ARHGAP32: variants seen among roughly 807,000 people sequenced by gnomAD.
The protein encoded by ARHGAP32 is Rho GTPase activating protein 32.
ARHGAP32 carries 51 observed loss-of-function variants against 186.5 expected under a neutral mutation model. The observed-to-expected ratio is 0.27, with a 90% confidence interval of 0.22 to 0.35. The LOEUF is 0.35. Among genes scored for constraint, ARHGAP32 ranks in the 10% least tolerant of loss-of-function variants. The probability of loss-of-function intolerance (pLI) is 1.00; values close to 1 mark genes in which losing one functional copy is unlikely to be tolerated. For synonymous variants in ARHGAP32, 950 were observed against 964.3 expected (o/e 0.99, Z 0.27); for missense variants, 2,186 against 2,623.5 (o/e 0.83, Z 3.64).
At position 129,023,161 on chromosome 11, in the gene ARHGAP32, G is replaced by A. The variant is rs531788009; in HGVS notation, c.1045+17767C>T. ...ATTCAGAGAAAATTCTGGTCTCCAT[G>A]TTATTTTAATGAAAGGCATTTATTA... On this transcript the variant is annotated intron_variant, in intron 11 of 22. Transcript: ENST00000682385. Among the ~76,000 whole-genome samples the A allele has an allele frequency of 3.3e-5, 5 of 152,232 alleles. No homozygotes were observed. In the East Asian group the frequency reaches 7.7e-4, roughly 24 times the overall value.
intron 11 of ARHGAP32, among the ~76,000 whole-genome samples, chr11:129,002,933 C>G (rs1038828123): frequency 2.0e-5 from 3 of 150,288 alleles, no homozygotes; most frequent in African/African-American, 7.3e-5. Context: ...CTCAGCCTCC[C>G]GAGTAGCTGG....
upstream of ARHGAP32, among the ~76,000 whole-genome samples, chr11:129,193,723 ATT>A (rs1237878705): frequency 1.4e-4 from 12 of 86,444 alleles, no homozygotes; most frequent in East Asian, 6.1e-4. Context: ...TATATTATAT[ATT>A]ATATATAATA....
Position 128,973,333 on chromosome 11 carries a change from G to A in ARHGAP32, c.3173C>T (p.Ala1058Val), listed in dbSNP as rs749143928. The A allele has an allele frequency of 7.4e-6, 12 of 1,614,082 alleles. No individual in the cohort carries two copies. Among genetic ancestry groups the A allele is most frequent in the Non-Finnish European group, 9.3e-6 (11 of 1,180,038 alleles). Residue 1058 changes from alanine to valine, a missense_variant, in exon 22 of 23, where the codon GCG becomes GTG. Ala to Val is a moderately conservative substitution (Grantham distance 64). This residue lies in a region of ARHGAP32 where 1,502 missense variants were observed against 1,570.0 expected (regional missense o/e 0.96). Coordinates refer to ENST00000682385, the MANE Select transcript of ARHGAP32 (RefSeq NM_001378024.1). ...PPPKNVARML[A>V]LALAESAQQA... ...CTGTGCGGACTCAGCTAATGCTAGC[G>A]CCAACATTCGGGCAACATTTTTCGG...
At position 128,971,185 on chromosome 11, in the gene ARHGAP32, G is replaced by T. The variant is rs191417627; in HGVS notation, c.4054-26C>A. Reference sequence around the variant, plus strand: ...CTATTGAAAGATGATAATACTATGGGTCTATTTTTTGTTCCCTCTATGAAT... The same window carrying T: ...CTATTGAAAGATGATAATACTATGGTTCTATTTTTTGTTCCCTCTATGAAT... On this transcript the variant is annotated intron_variant, in intron 22 of 22. Transcript: ENST00000682385. The T allele has an allele frequency of 3.8e-4, 588 of 1,559,714 alleles. 1 individual carries two copies. Among genetic ancestry groups the T allele is most frequent in the Admixed American group, 7.0e-4 (38 of 54,520 alleles).
intron 12 of ARHGAP32, among the ~76,000 whole-genome samples, chr11:128,991,237 T>G (rs924179550): frequency 2.0e-5 from 3 of 152,172 alleles, no homozygotes; most frequent in African/African-American, 7.2e-5. Flanking sequence ...ATGGCAAGCA[T>G]CTGAATCGTT....
In ARHGAP32 at chr11:129,121,178, GT is replaced by G. The variant is rs914675931; in HGVS notation, c.444+2267del. On this transcript the variant is annotated intron_variant, in intron 5 of 22. Coordinates refer to ENST00000682385, the MANE Select transcript of ARHGAP32 (RefSeq NM_001378024.1). ...GGATTGTTTAGAGGTTAATATGATT[GT>G]TTTTTTTTTCTTTAAATGGCATTCA... Among the ~76,000 whole-genome samples the G allele has an allele frequency of 9.2e-3, 1,369 of 148,528 alleles. 61 individuals carry two copies. The highest frequency in any genetic ancestry group is 0.077 in the Admixed American group (1,144 of 14,906).
At chr11:129,255,210 AAAC>A (rs955783995) in intron 1 of ARHGAP32, among the ~76,000 whole-genome samples, 1 of 152,136 alleles carries the variant, frequency 6.6e-6, no homozygotes, top group Non-Finnish European at 1.5e-5. Context: ...AGAAGAGAAT[AAAC>A]AAAGTCGAGT....
chr11:129,194,449 G>A (rs2135564406), upstream of ARHGAP32, among the ~76,000 whole-genome samples: 1 of 152,240 alleles, frequency 6.6e-6, no homozygotes, highest in Non-Finnish European at 1.5e-5. Flanking sequence ...TCACAATACG[G>A]AACAAAGCCT....
At chr11:129,164,577 T>C (rs1487199951) in intron 1 of ARHGAP32, 150 bp from the exon 2 acceptor site, 3 of 567,448 alleles carry the variant, frequency 5.3e-6, no homozygotes, top group Non-Finnish European at 9.3e-6. Context: ...CCTTTATTTC[T>C]ACTCTGGCTT....
chr11:129,030,613 CAAAA>C (rs1190072931), intron 11 of ARHGAP32: 1 of 150,962 alleles, frequency 6.6e-6, no homozygotes, highest in Non-Finnish European at 1.5e-5. Flanking sequence ...TATCTGTTAA[CAAAA>C]AAAAAGTTAT....
chr11:129,245,656 AAATAATAATAAT>A (rs56047154), intron 1 of ARHGAP32, among the ~76,000 whole-genome samples: 30,694 of 146,064 alleles, frequency 0.21, 3,355 homozygotes, highest in East Asian at 0.23. Flanking sequence ...CAACAGATTA[AAATAATAATAAT>A]AATAATAATA....
At chr11:129,006,277 T>A (rs1432379715) in intron 11 of ARHGAP32, among the ~76,000 whole-genome samples, 1 of 152,208 alleles carries the variant, frequency 6.6e-6, no homozygotes, top group Non-Finnish European at 1.5e-5. Flanking sequence ...GTCTTGATGC[T>A]TGTGGATGTT....
At chr11:129,192,033 G>A (rs1460880628) in intron 1 of ARHGAP32, 50 bp downstream of exon 1, 2 of 1,321,468 alleles carry the variant, frequency 1.5e-6, no homozygotes, top group Non-Finnish European at 2.2e-6. Context: ...AGGGGTGCGG[G>A]TGGGGGTAGG....
intron 12 of ARHGAP32, among the ~76,000 whole-genome samples, chr11:128,996,490 ATTAT>A (rs1946203197): frequency 6.6e-6 from 1 of 152,166 alleles, no homozygotes; most frequent in African/African-American, 2.4e-5. Flanking sequence ...TGAGAAAGCT[ATTAT>A]TTATTTTATC....
chr11:129,036,218 A>G (rs890907226), intron 11 of ARHGAP32, among the ~76,000 whole-genome samples: 8 of 152,094 alleles, frequency 5.3e-5, no homozygotes, highest in African/African-American at 1.9e-4. Context: ...GTTTCTATGA[A>G]AAATACAAAA....
chr11:129,204,861 T>C (rs1048975496), intron 1 of ARHGAP32, among the ~76,000 whole-genome samples: 1 of 152,198 alleles, frequency 6.6e-6, no homozygotes, highest in African/African-American at 2.4e-5. Context: ...TTAAAGTAAG[T>C]GTACTACTAT....
chr11:129,269,993 A>G (rs1010926590), intron 1 of ARHGAP32, among the ~76,000 whole-genome samples: 1 of 151,996 alleles, frequency 6.6e-6, no homozygotes, highest in African/African-American at 2.4e-5. Flanking sequence ...TTAACATATG[A>G]TCCCGCAATC....
At chr11:129,039,778 T>C (rs148627212) in intron 11 of ARHGAP32, among the ~76,000 whole-genome samples, 28 of 152,244 alleles carry the variant, frequency 1.8e-4, no homozygotes, top group African/African-American at 6.7e-4. Context: ...AAGAATGAAA[T>C]CTACAGTTAC....
intron 1 of ARHGAP32, among the ~76,000 whole-genome samples, chr11:129,250,505 T>A (rs1348418664): frequency 1.3e-5 from 2 of 152,188 alleles, no homozygotes; most frequent in Non-Finnish European, 2.9e-5. Context: ...AACACAACTT[T>A]TAAAAAATTA....
Sources: gnomAD v4.1 joint callset for allele counts (sites outside exome capture counted in the v4.1 genomes callset) on GRCh38, gnomAD v4.1.1 for gene constraint, gnomAD v4.1.1 regional missense constraint, MANE v1.5 for transcripts, NCBI Gene and HGNC (gene_info 2026-07-23, HGNC 2026-07-21) for gene names.